The following LYST variants were observed in gnomAD, a reference collection of about 807,000 sequenced individuals.
The protein encoded by LYST is lysosomal trafficking regulator.
In LYST, 192 loss-of-function variants were observed where a neutral mutation model predicts 413.6. That is an observed-to-expected ratio of 0.46 (90% CI 0.41 to 0.52). The LOEUF (loss-of-function observed/expected upper bound fraction) is 0.52. Ranked by LOEUF, LYST falls within the 20% of genes least tolerant of loss-of-function variation. LYST has a pLI of 0.00. For synonymous variants in LYST, 1,525 were observed against 1,567.3 expected (o/e 0.97, Z 0.64); for missense variants, 3,815 against 4,499.9 (o/e 0.85, Z 4.35).
intron 47 of LYST, among the ~76,000 whole-genome samples, chr1:235,690,992 C>G (rs1364303747): frequency 3.3e-5 from 5 of 151,574 alleles, no homozygotes; most frequent in African/African-American, 1.2e-4. Context: ...TCTTGGCTCA[C>G]TGCAAGCTCC....
chr1:235,737,988 C>A, intron 31 of LYST: 1 of 1,434,944 alleles, frequency 7.0e-7, no homozygotes, highest in South Asian at 1.5e-5. Flanking sequence ...TTTCCAAGTC[C>A]AATATACTCT....
chr1:235,800,701 T>C (rs1489927200), intron 9 of LYST, among the ~76,000 whole-genome samples, 170 bp downstream of exon 9: 2 of 152,158 alleles, frequency 1.3e-5, no homozygotes, highest in Non-Finnish European at 2.9e-5. Flanking sequence ...TAGAAAACTA[T>C]GGAATTAGAA....
Position 235,849,643 on chromosome 1 carries a change from G to A in LYST, c.-97-15976C>T, listed in dbSNP as rs983974425. On this transcript the variant is annotated intron_variant, in intron 1 of 52. Coordinates refer to ENST00000389793, the MANE Select transcript of LYST (RefSeq NM_000081.4). Reference sequence around the variant, plus strand: ...CTAAGGACTCCTCTAGAAAGCTCACGGAACTGATAAAAGAATTCAACAAAG... The same window carrying A: ...CTAAGGACTCCTCTAGAAAGCTCACAGAACTGATAAAAGAATTCAACAAAG... 8.0e-4 allele frequency among the ~76,000 whole-genome samples: 121 copies of A among 151,822 alleles called. 1 individual carries two copies. Among genetic ancestry groups the A allele is most frequent in the African/African-American group, 2.8e-3 (116 of 41,344 alleles).
Position 235,681,119 on chromosome 1 carries a change from G to A in LYST, c.10801-3500C>T, listed in dbSNP as rs558583946. 9.9e-5 allele frequency among the ~76,000 whole-genome samples: 15 copies of A among 152,226 alleles called. No individual in the cohort carries two copies. In the South Asian group the frequency reaches 2.9e-3, roughly 30 times the overall value. Reference sequence around the variant, plus strand: ...AACTCCGGGGACCCACAGATAAGTCGCTTCCTCAGACTGGGGACAGGGAGT... The same window carrying A: ...AACTCCGGGGACCCACAGATAAGTCACTTCCTCAGACTGGGGACAGGGAGT... On this transcript the variant is annotated intron_variant, in intron 48 of 52. Coordinates refer to ENST00000389793, the MANE Select transcript of LYST (RefSeq NM_000081.4).
intron 2 of LYST, among the ~76,000 whole-genome samples, chr1:235,830,755 T>C (rs897551223): frequency 4.6e-5 from 7 of 152,188 alleles, no homozygotes; most frequent in South Asian, 2.1e-4. Flanking sequence ...CCATTACTTA[T>C]AAAATGTTCT....
intron 1 of LYST, among the ~76,000 whole-genome samples, chr1:235,839,330 C>A (rs1214547001): frequency 6.6e-6 from 1 of 151,112 alleles, no homozygotes; most frequent in African/African-American, 2.4e-5. Flanking sequence ...GATCTCAGCT[C>A]ACTGCAACCT....
rs1456770713 is a variant in LYST, at chr1:235,759,150, A to C, written c.6703T>G (p.Ser2235Ala). 2.5e-6 allele frequency: 4 copies of C among 1,614,186 alleles called. No homozygotes were observed. In the East Asian group the frequency reaches 6.7e-5, roughly 27 times the overall value. ...RRPDYLKGLA[S>A]FQRSHSTIAS... ...ATAGTGCTGTGGCTTCGCTGGAAGGAGGCCAATCCCTTTAGGTAATCAGGT... is the reference window on the plus strand; with the variant it reads ...ATAGTGCTGTGGCTTCGCTGGAAGGCGGCCAATCCCTTTAGGTAATCAGGT... The change falls in exon 23 of 53, where the codon TCC becomes GCC. Residue 2235 changes from serine (S) to alanine (A), a missense_variant. Ser to Ala is a moderately conservative substitution (Grantham distance 99). Transcript: ENST00000389793.
At chr1:235,808,366 A>C (rs2102876854) in intron 5 of LYST, 89 bp downstream of exon 5, 1 of 1,247,182 alleles carries the variant, frequency 8.0e-7, no homozygotes, top group Non-Finnish European at 1.1e-6. Context: ...AATGCATACA[A>C]TTTATCACTC....
intron 14 of LYST, among the ~76,000 whole-genome samples, chr1:235,786,487 G>A (rs567783656): frequency 2.8e-4 from 42 of 152,302 alleles, no homozygotes; most frequent in Non-Finnish European, 4.7e-4. Flanking sequence ...GGAAGACAGT[G>A]TGGTGATTCT....
chr1:235,677,228 A>G, intron 49 of LYST, 40 bp from the exon 50 acceptor site: 1 of 1,387,122 alleles, frequency 7.2e-7, no homozygotes, highest in Non-Finnish European at 1.0e-6. Flanking sequence ...TGATCATTAA[A>G]TATAATTACA....
intron 47 of LYST, among the ~76,000 whole-genome samples, chr1:235,691,885 G>A (rs112513572): frequency 0.076 from 11,465 of 150,736 alleles, 1,413 homozygotes; most frequent in African/African-American, 0.26. Context: ...TTTCATAGAG[G>A]CAGGGTTTCA....
intron 47 of LYST, among the ~76,000 whole-genome samples, chr1:235,692,954 G>C (rs931049137): frequency 6.6e-6 from 1 of 151,886 alleles, no homozygotes; most frequent in African/African-American, 2.4e-5. Flanking sequence ...CTGGGAGGTG[G>C]AGGGTGCAGT....
At chr1:235,706,201 A>C (rs1249581509) in intron 44 of LYST, among the ~76,000 whole-genome samples, 3 of 152,172 alleles carry the variant, frequency 2.0e-5, no homozygotes, top group Non-Finnish European at 4.4e-5. Context: ...CACAACCCCA[A>C]AATTTCGTAC....
Position 235,746,381 on chromosome 1 carries a change from G to C in LYST, c.7927C>G (p.Leu2643Val). 6.2e-7 allele frequency: 1 copy of C among 1,613,928 alleles called. No individual in the cohort carries two copies. The highest frequency in any genetic ancestry group is 8.5e-7 in the Non-Finnish European group (1 of 1,179,904). ...QATETELAQR[L>V]QRLTVLAVNR... The stretch of plus-strand genomic sequence containing the variant: ...ACTGCTAAAACAGTGAGCCTCTGTA[G>C]TCTCTGCGCAAGTTCCGTTTCAGTT... Residue 2643 changes from leucine (L) to valine (V), a missense_variant, in exon 29 of 53, where the codon CTA (leucine) becomes GTA (valine). Leu to Val is a conservative substitution (Grantham distance 32). Around this residue, in one of 4 missense-constraint regions of LYST, gnomAD observed 771 missense variants for 837.1 expected, o/e 0.92. Transcript: ENST00000389793.
chr1:235,798,578 T>TAAAAAAAAAAAAAAAA (rs71174462), intron 10 of LYST, among the ~76,000 whole-genome samples: 12 of 81,710 alleles, frequency 1.5e-4, no homozygotes, highest in South Asian at 5.5e-4. Context: ...AACCCTGTCA[T>TAAAAAAAAAAAAAAAA]AAAAAAAAAA....
intron 1 of LYST, among the ~76,000 whole-genome samples, chr1:235,855,734 C>T (rs940430556): frequency 6.7e-6 from 1 of 149,216 alleles, no homozygotes; most frequent in Admixed American, 6.6e-5. Flanking sequence ...TTAGAAGATT[C>T]TGCAAAATAA....
chr1:235,876,628 G>A (rs1048114014), intron 1 of LYST, among the ~76,000 whole-genome samples: 105 of 152,138 alleles, frequency 6.9e-4, no homozygotes, highest in African/African-American at 2.2e-3. Flanking sequence ...CTGGCAGATC[G>A]GAATATTTGA....
At chr1:235,717,735 T>G (rs948017208) in intron 40 of LYST, among the ~76,000 whole-genome samples, 9 of 152,158 alleles carry the variant, frequency 5.9e-5, no homozygotes, top group Non-Finnish European at 8.8e-5. Context: ...AATTACTATT[T>G]TCTAGGAATG....
intron 44 of LYST, among the ~76,000 whole-genome samples, chr1:235,704,512 T>C (rs188943814): frequency 9.8e-4 from 149 of 152,356 alleles, no homozygotes; most frequent in Middle Eastern, 3.4e-3. Flanking sequence ...ATCAGTGATA[T>C]TGAGCTTTTT....
Sources: allele counts gnomAD v4.1 joint callset (sites outside exome capture counted in the v4.1 genomes callset), GRCh38; gene constraint gnomAD v4.1.1; regional missense constraint gnomAD v4.1.1; transcripts MANE v1.5; gene names NCBI Gene and HGNC (gene_info 2026-07-23, HGNC 2026-07-21).